The following DMTN variants were observed in gnomAD, a reference collection of about 807,000 sequenced individuals.
DMTN encodes the protein dematin actin binding protein.
A neutral mutation model predicts 59.4 loss-of-function variants in DMTN; 27 were observed. That is an observed-to-expected ratio of 0.45 (90% CI 0.33 to 0.63). The LOEUF is 0.63. DMTN is among the 20% of genes least tolerant of loss of function. The probability of loss-of-function intolerance (pLI) is 0.02; values close to 1 mark genes in which losing one functional copy is unlikely to be tolerated. For missense variants in DMTN, 451 were observed against 528.9 expected (o/e 0.85, Z 1.45); for synonymous variants, 221 against 203.7 (o/e 1.08, Z -0.72).
intron 6 of DMTN, 118 bp downstream of exon 6, chr8:22,069,636 G>T: frequency 1.1e-6 from 1 of 943,914 alleles, no homozygotes; most frequent in Non-Finnish European, 1.6e-6. Flanking sequence ...GGCTAAGTAG[G>T]CCCCAGGAGG....
chr8:22,070,950 G>C (rs940545321), intron 8 of DMTN, among the ~76,000 whole-genome samples: 11 of 152,174 alleles, frequency 7.2e-5, no homozygotes, highest in African/African-American at 2.7e-4. Context: ...TTTGACTTAA[G>C]ACAATGGCCT....
chr8:22,051,776 C>A (rs1801379488), upstream of DMTN, among the ~76,000 whole-genome samples: 1 of 152,192 alleles, frequency 6.6e-6, no homozygotes, highest in African/African-American at 2.4e-5. Context: ...TCCACTCGCT[C>A]CCTACATCAT....
intron 1 of DMTN, among the ~76,000 whole-genome samples, chr8:22,061,282 CAAAAAAA>C (rs533576492): frequency 1.5e-5 from 1 of 66,536 alleles, no homozygotes; most frequent in Non-Finnish European, 3.2e-5. Flanking sequence ...GACCCTGTCT[CAAAAAAA>C]AAAAAAAAAA....
Position 22,078,989 on chromosome 8 carries a change from G to C in DMTN, c.836-1191G>C, listed in dbSNP as rs190676293. Reference sequence around the variant, plus strand: ...TTTGTTTTGTATTTTTAGTCGAGACGGGGTTTCACCATGTTAGCCAGGATG... The same window carrying C: ...TTTGTTTTGTATTTTTAGTCGAGACCGGGTTTCACCATGTTAGCCAGGATG... On this transcript the variant is annotated intron_variant, in intron 10 of 15. Transcript: ENST00000358242. 2.6e-4 allele frequency among the ~76,000 whole-genome samples: 39 copies of C among 151,364 alleles called. 2 individuals carry two copies. In the South Asian group the frequency reaches 7.8e-3, roughly 30 times the overall value.
chr8:22,074,269 G>GTTGC, intron 10 of DMTN, among the ~76,000 whole-genome samples: 1 of 151,174 alleles, frequency 6.6e-6, no homozygotes, highest in South Asian at 2.1e-4. Context: ...GTGGTTGTTT[G>GTTGC]TTGTTTGTTT....
intron 1 of DMTN, among the ~76,000 whole-genome samples, chr8:22,064,157 G>C (rs1456311836): frequency 6.6e-6 from 1 of 152,172 alleles, no homozygotes; most frequent in Non-Finnish European, 1.5e-5. Flanking sequence ...TAGAAGGATG[G>C]ATGGATGGAT....
At chr8:22,051,518 G>A (rs532847250), upstream of DMTN, among the ~76,000 whole-genome samples, 1 of 152,224 alleles carries the variant, frequency 6.6e-6, no homozygotes, top group East Asian at 1.9e-4. Flanking sequence ...CTATGGCAAA[G>A]AACCGTTTCT....
intron 1 of DMTN, among the ~76,000 whole-genome samples, chr8:22,057,521 C>T (rs1200626589): frequency 6.6e-6 from 1 of 152,190 alleles, no homozygotes; most frequent in Non-Finnish European, 1.5e-5. Flanking sequence ...AAAACCACTC[C>T]ACATGCTCTG....
Position 22,075,511 on chromosome 8 carries a change from G to A in DMTN, c.835+1676G>A, listed in dbSNP as rs1230269150. Among the ~76,000 whole-genome samples the A allele has an allele frequency of 4.7e-5, 4 of 84,572 alleles. No individual in the cohort carries two copies. The East Asian group carries it at 1.4e-3, about 29-fold the overall frequency. 55.5% of individuals were successfully genotyped at this position (84,572 alleles called of 152,430 possible). The stretch of plus-strand genomic sequence containing the variant: ...TTACAGGTGCATGCCACCATGCCCA[G>A]CTAAATTTTTTTTTTTTTTTTTTTT... On this transcript the variant is annotated intron_variant, in intron 10 of 15. Coordinates refer to ENST00000358242, the MANE Select transcript of DMTN (RefSeq NM_001387751.1).
intron 10 of DMTN, among the ~76,000 whole-genome samples, chr8:22,079,607 TAAA>T (rs1164787442): frequency 6.6e-6 from 1 of 151,954 alleles, no homozygotes; most frequent in Non-Finnish European, 1.5e-5. Context: ...CTATCTCTAT[TAAA>T]AATTTTTGGC....
chr8:22,053,984 G>A (rs180900437), upstream of DMTN, among the ~76,000 whole-genome samples: 1 of 152,260 alleles, frequency 6.6e-6, no homozygotes, highest in Admixed American at 6.5e-5. Context: ...CTTCCCAGGG[G>A]GAGGAGGCCG....
intron 1 of DMTN, among the ~76,000 whole-genome samples, chr8:22,065,145 C>G (rs981198115): frequency 6.6e-6 from 1 of 152,194 alleles, no homozygotes; most frequent in Non-Finnish European, 1.5e-5. Flanking sequence ...ATGCTCCCAC[C>G]TCAGTCTCCA....
chr8:22,051,940 TC>T (rs1801394395), upstream of DMTN, among the ~76,000 whole-genome samples: 1 of 152,156 alleles, frequency 6.6e-6, no homozygotes, highest in African/African-American at 2.4e-5. Context: ...CTGTCCAGTC[TC>T]CCTATTCGGC....
chr8:22,064,385 GA>G (rs1808845126), intron 1 of DMTN, among the ~76,000 whole-genome samples: 1 of 152,218 alleles, frequency 6.6e-6, no homozygotes, highest in South Asian at 2.1e-4. Context: ...CAAGTACTGA[GA>G]AGGCGAGAGG....
At chr8:22,074,266 T>TTTA (rs1818055220) in intron 10 of DMTN, among the ~76,000 whole-genome samples, 1 of 72,624 alleles carries the variant, frequency 1.4e-5, no homozygotes, top group Non-Finnish European at 3.5e-5. Flanking sequence ...GTTGTGGTTG[T>TTTA]TTGTTGTTTG....
At chr8:22,054,428 T>C (rs1025335325), upstream of DMTN, among the ~76,000 whole-genome samples, 2 of 152,082 alleles carry the variant, frequency 1.3e-5, no homozygotes, top group Non-Finnish European at 2.9e-5. Context: ...GTGAAGGTGC[T>C]CACAGAGACG....
chr8:22,081,012 G>A (rs2131602088), intron 14 of DMTN, 101 bp from the exon 15 acceptor site: 2 of 1,478,092 alleles, frequency 1.4e-6, no homozygotes, highest in Admixed American at 1.8e-5. Context: ...GGGCAAGATG[G>A]CATGAACCCC....
intron 1 of DMTN, among the ~76,000 whole-genome samples, chr8:22,065,914 C>T (rs571898423): frequency 1.4e-5 from 2 of 147,466 alleles, no homozygotes; most frequent in South Asian, 4.3e-4. Context: ...GATCTCGGCT[C>T]ACTGCAGCCT....
intron 1 of DMTN, among the ~76,000 whole-genome samples, chr8:22,062,330 T>A (rs534769790): frequency 1.3e-5 from 2 of 152,252 alleles, no homozygotes; most frequent in East Asian, 3.9e-4. Flanking sequence ...ATTCCTGGGC[T>A]CAAGTGATTC....
Sources: gnomAD v4.1 joint callset for allele counts (sites outside exome capture counted in the v4.1 genomes callset) on GRCh38, gnomAD v4.1.1 for gene constraint, MANE v1.5 for transcripts, NCBI Gene and HGNC (gene_info 2026-07-23, HGNC 2026-07-21) for gene names.